The following ARAP2 variants were observed in gnomAD, a reference collection of about 807,000 sequenced individuals.
ARAP2 encodes the protein arf-GAP with Rho-GAP domain, ANK repeat and PH domain-containing protein 2.
In ARAP2, 148 loss-of-function variants were observed where a neutral mutation model predicts 194.5. The ratio of observed to expected loss-of-function variants is 0.76; its 90% CI spans 0.67 to 0.87. ARAP2 has a LOEUF of 0.87. Ranked by LOEUF, ARAP2 falls within the 40% of genes least tolerant of loss-of-function variation. The pLI is 0.00. For synonymous variants in ARAP2, 695 were observed against 683.5 expected (o/e 1.02, Z -0.26); for missense variants, 2,128 against 1,989.7 (o/e 1.07, Z -1.32).
Position 36,177,820 on chromosome 4 carries a change from A to G in ARAP2, c.1857+7T>C. On this transcript the variant is annotated splice_region_variant and intron_variant, in intron 9 of 32. Coordinates refer to ENST00000303965, the MANE Select transcript of ARAP2 (RefSeq NM_015230.4). Reference sequence around the variant, plus strand: ...CAGCAATTTGCAATGACTATAACAGAGCTCACCTGTTCGTTTTTGCAAAGC... The same window carrying G: ...CAGCAATTTGCAATGACTATAACAGGGCTCACCTGTTCGTTTTTGCAAAGC... 6.3e-7 allele frequency: 1 copy of G among 1,594,670 alleles called. No individual in the cohort carries two copies. The highest frequency in any genetic ancestry group is 8.5e-7 in the Non-Finnish European group (1 of 1,172,246).
chr4:36,096,357 T>C lies in ARAP2; in HGVS notation c.4286-4337A>G, dbSNP rs1348239080. On this transcript the variant is annotated intron_variant, in intron 27 of 32. Transcript: ENST00000303965. ...TCCAGTCTGGGCGGCAGAGTGAGAC[T>C]CTCTCAAAAAAAAAAAAAAAAAAGA... Among the ~76,000 whole-genome samples, 21 of 91,408 alleles carry C rather than the reference T, an allele frequency of 2.3e-4. No homozygotes were observed. In the East Asian group the frequency reaches 4.2e-3, roughly 18 times the overall value. 60.0% of individuals were successfully genotyped at this position (91,408 alleles called of 152,430 possible).
At chr4:36,163,346 C>T (rs1324032027) in intron 11 of ARAP2, among the ~76,000 whole-genome samples, 4 of 151,866 alleles carry the variant, frequency 2.6e-5, no homozygotes, top group Non-Finnish European at 4.4e-5. Context: ...GACATGTTGT[C>T]GAGACACTCA....
At chr4:36,084,044 G>C (rs550995782) in intron 28 of ARAP2, among the ~76,000 whole-genome samples, 1 of 152,086 alleles carries the variant, frequency 6.6e-6, no homozygotes, top group Non-Finnish European at 1.5e-5. Context: ...ACTTACACCA[G>C]CAGTTTACCA....
intron 20 of ARAP2, 49 bp from the exon 21 acceptor site, chr4:36,128,794 C>T (rs1473333789): frequency 7.1e-6 from 10 of 1,412,224 alleles, no homozygotes; most frequent in Non-Finnish European, 9.7e-6. Context: ...AATTCAAAAG[C>T]CAGTTTGATA....
intron 24 of ARAP2, among the ~76,000 whole-genome samples, chr4:36,118,117 C>A (rs1300562751): frequency 6.6e-6 from 1 of 150,956 alleles, no homozygotes; most frequent in South Asian, 2.1e-4. Context: ...TGAAAAAGTT[C>A]CTTAATTTTT....
chr4:36,062,337 G>A (rs759659105), downstream of ARAP2, among the ~76,000 whole-genome samples: 3 of 152,124 alleles, frequency 2.0e-5, no homozygotes, highest in Admixed American at 6.5e-5. Flanking sequence ...CTCCTTCAGT[G>A]ATAAGAAGTT....
intron 3 of ARAP2, among the ~76,000 whole-genome samples, chr4:36,050,695 A>G (rs1230130828): frequency 6.6e-6 from 1 of 152,232 alleles, no homozygotes; most frequent in East Asian, 1.9e-4. Flanking sequence ...CAAGTGGAAT[A>G]CCATAAAATG....
At chr4:36,007,286 A>C (rs1713488375) in intron 9 of ARAP2, among the ~76,000 whole-genome samples, 1 of 152,186 alleles carries the variant, frequency 6.6e-6, no homozygotes, top group South Asian at 2.1e-4. Flanking sequence ...AAGTAACTTG[A>C]AATTATACTA....
chr4:36,158,132 G>A lies in ARAP2; in HGVS notation c.2752+598C>T, dbSNP rs868601269. Among the ~76,000 whole-genome samples, 5 of 152,080 alleles carry A rather than the reference G, an allele frequency of 3.3e-5. No homozygotes were observed. In the South Asian group the frequency reaches 1.0e-3, roughly 32 times the overall value. On this transcript the variant is annotated intron_variant, in intron 15 of 32. Transcript: ENST00000303965. ...GTCATTTCTAAAATCCCGATACATA[G>A]CATTGGTTTGACACAAGGAGTTGGA...
chr4:36,161,936 G>C (rs1044070577), intron 11 of ARAP2, among the ~76,000 whole-genome samples: 32 of 151,738 alleles, frequency 2.1e-4, no homozygotes, highest in Middle Eastern at 3.4e-3. Context: ...GTGAAACCCC[G>C]TCTCTACTAA....
chr4:36,112,971 A>G (rs1577931038), intron 26 of ARAP2, among the ~76,000 whole-genome samples: 1 of 152,020 alleles, frequency 6.6e-6, no homozygotes, highest in East Asian at 1.9e-4. Context: ...AAGATGGCAA[A>G]GGATGTTGCA....
chr4:36,181,640 A>G (rs1159513198), intron 8 of ARAP2, among the ~76,000 whole-genome samples: 4 of 152,240 alleles, frequency 2.6e-5, no homozygotes, highest in Admixed American at 2.6e-4. Flanking sequence ...CAGAGAAGGA[A>G]GTAGTGCACA....
chr4:36,049,273 G>T lies in ARAP2; in HGVS notation n.370-2424C>A, dbSNP rs761305159. ...CTGAATCTTTGGGAGAAAACTTCCT[G>T]TATAATTAAATGTTTGCTTTTCCAA... On this transcript the variant is annotated intron_variant and non_coding_transcript_variant, in intron 3 of 12. Transcript: ENST00000503225. 1.3e-4 allele frequency among the ~76,000 whole-genome samples: 20 copies of T among 152,226 alleles called. No homozygotes were observed. The South Asian group carries it at 3.9e-3, about 30-fold the overall frequency.
intron 5 of ARAP2, among the ~76,000 whole-genome samples, chr4:36,021,364 C>A (rs1716909974): frequency 6.6e-6 from 1 of 152,202 alleles, no homozygotes; most frequent in South Asian, 2.1e-4. Flanking sequence ...CAATTGTAAT[C>A]CCCTCTGTTG....
At chr4:36,030,374 A>T (rs1157895234) in intron 5 of ARAP2, among the ~76,000 whole-genome samples, 1 of 152,092 alleles carries the variant, frequency 6.6e-6, no homozygotes, top group Non-Finnish European at 1.5e-5. Context: ...AAATATTTTT[A>T]ATGTCTTCAA....
intron 5 of ARAP2, among the ~76,000 whole-genome samples, chr4:36,040,904 T>C (rs1162843819): frequency 6.6e-6 from 1 of 152,202 alleles, no homozygotes; most frequent in Non-Finnish European, 1.5e-5. Flanking sequence ...GAAGGCATTT[T>C]TGTCTTGTGC....
At chr4:36,071,712 T>A (rs187473979) in intron 32 of ARAP2, among the ~76,000 whole-genome samples, 1,697 of 151,566 alleles carry the variant, frequency 0.011, 17 homozygotes, top group Non-Finnish European at 0.017. Context: ...CTTTTTTTTT[T>A]ATTATACTTT....
intron 2 of ARAP2, among the ~76,000 whole-genome samples, chr4:36,224,347 G>C (rs1285383138): frequency 6.7e-6 from 1 of 149,682 alleles, no homozygotes; most frequent in Non-Finnish European, 1.5e-5. Flanking sequence ...ACACTGCCTT[G>C]AGGTTTTCAT....
chr4:36,101,049 A>G (rs1475900618), intron 27 of ARAP2, among the ~76,000 whole-genome samples: 1 of 152,102 alleles, frequency 6.6e-6, no homozygotes, highest in East Asian at 1.9e-4. Context: ...AAAACATAGC[A>G]TAGCTATTTG....
Sources: gnomAD v4.1 joint callset for allele counts (sites outside exome capture counted in the v4.1 genomes callset) on GRCh38, gnomAD v4.1.1 for gene constraint, MANE v1.5 for transcripts, NCBI Gene and HGNC (gene_info 2026-07-23, HGNC 2026-07-21) for gene names.